CSMD1: variants seen among roughly 807,000 people sequenced by gnomAD.
CSMD1 encodes CUB and sushi domain-containing protein 1.
In CSMD1, 213 loss-of-function variants were observed where a neutral mutation model predicts 417.5. The ratio of observed to expected loss-of-function variants is 0.51; its 90% confidence interval spans 0.46 to 0.57. CSMD1 has a LOEUF of 0.57. CSMD1 is among the 20% of genes least tolerant of loss of function. The pLI is 0.00. For synonymous variants in CSMD1, 2,862 were observed against 1,736.8 expected (o/e 1.65, Z -16.11); for missense variants, 6,923 against 4,529.7 (o/e 1.53, Z -15.17).
At chr8:4,318,264 T>G (rs1451367773) in intron 3 of CSMD1, among the ~76,000 whole-genome samples, 1 of 152,116 alleles carries the variant, frequency 6.6e-6, no homozygotes, top group Non-Finnish European at 1.5e-5. Context: ...TTGGTAACAT[T>G]TTTCCTTAAT....
intron 3 of CSMD1, among the ~76,000 whole-genome samples, chr8:4,071,949 G>A (rs1378294349): frequency 1.3e-5 from 2 of 152,164 alleles, no homozygotes; most frequent in Non-Finnish European, 2.9e-5. Context: ...CAGCCACAGT[G>A]TGGGGCTCTC....
At chr8:3,922,991 C>G (rs1809381796) in intron 5 of CSMD1, among the ~76,000 whole-genome samples, 1 of 152,162 alleles carries the variant, frequency 6.6e-6, no homozygotes, top group Non-Finnish European at 1.5e-5. Flanking sequence ...AGAGAAATCT[C>G]TATTTCCATC....
At chr8:4,521,067 A>G (rs1803418921) in intron 2 of CSMD1, among the ~76,000 whole-genome samples, 1 of 152,212 alleles carries the variant, frequency 6.6e-6, no homozygotes, top group African/African-American at 2.4e-5. Flanking sequence ...TATGAAAGAT[A>G]TTAAAGAGTT....
chr8:4,486,358 G>C (rs1422729738), intron 2 of CSMD1, among the ~76,000 whole-genome samples: 1 of 149,742 alleles, frequency 6.7e-6, no homozygotes, highest in South Asian at 2.1e-4. Flanking sequence ...CTACCAGGTT[G>C]CATCTTAAAC....
chr8:2,955,730 C>T lies in CSMD1; in HGVS notation c.9853G>A (p.Asp3285Asn). 1.2e-6 allele frequency: 2 copies of T among 1,613,876 alleles called. No homozygotes were observed. The highest frequency in any genetic ancestry group is 8.5e-7 in the Non-Finnish European group (1 of 1,179,780). Residue 3285 changes from aspartate (D) to asparagine (N), a missense_variant, in exon 64 of 70, where the codon GAT becomes AAT. Transcript: ENST00000635120. ...GTAGGAAGATCGATGGCTCTCACATCCGCGTGTGCCGGGGTTTCTGGCTGT... is the reference window on the plus strand; with the variant it reads ...GTAGGAAGATCGATGGCTCTCACATTCGCGTGTGCCGGGGTTTCTGGCTGT... ...CRQPETPAHA[D>N]VRAIDLPTFG...
chr8:3,118,327 T>G (rs1233103869), intron 42 of CSMD1, 72 bp downstream of exon 42: 1 of 1,064,316 alleles, frequency 9.4e-7, no homozygotes, highest in Non-Finnish European at 1.4e-6. Flanking sequence ...ACTGGATATG[T>G]TCATTTAATA....
intron 3 of CSMD1, among the ~76,000 whole-genome samples, chr8:4,144,214 T>A (rs1204888364): frequency 6.6e-6 from 1 of 150,984 alleles, no homozygotes; most frequent in Non-Finnish European, 1.5e-5. Context: ...ATCTTGGGCT[T>A]CTTCCTTGAT....
chr8:3,865,707 TACA>T (rs1400206307), intron 5 of CSMD1, among the ~76,000 whole-genome samples: 6 of 152,266 alleles, frequency 3.9e-5, no homozygotes, highest in Non-Finnish European at 7.4e-5. Context: ...GAGCAGTAAA[TACA>T]ACAACAAAAT....
chr8:4,573,114 T>G (rs185848750), intron 2 of CSMD1, among the ~76,000 whole-genome samples: 6 of 152,314 alleles, frequency 3.9e-5, no homozygotes, highest in African/African-American at 1.4e-4. Context: ...TGAAGCCTAC[T>G]TCTGTCAATT....
intron 3 of CSMD1, among the ~76,000 whole-genome samples, chr8:4,226,991 A>T (rs1213672058): frequency 6.6e-6 from 1 of 152,210 alleles, no homozygotes; most frequent in African/African-American, 2.4e-5. Context: ...TCTGAAAACT[A>T]AAGGGGGTAA....
intron 5 of CSMD1, among the ~76,000 whole-genome samples, chr8:3,908,055 G>A (rs1345072184): frequency 1.3e-5 from 2 of 152,076 alleles, no homozygotes; most frequent in South Asian, 2.1e-4. Flanking sequence ...CCCAAAGTCT[G>A]ACTCTCAAAT....
chr8:3,862,668 G>T (rs1316097967), intron 5 of CSMD1, among the ~76,000 whole-genome samples: 2 of 152,062 alleles, frequency 1.3e-5, no homozygotes, highest in Non-Finnish European at 2.9e-5. Context: ...TTGGTTATTT[G>T]CATTCAACGT....
intron 23 of CSMD1, among the ~76,000 whole-genome samples, chr8:3,309,490 G>A (rs79303971): frequency 0.084 from 12,724 of 151,922 alleles, 683 homozygotes; most frequent in Non-Finnish European, 0.12. Context: ...TGACAGAAAT[G>A]AAGATTTAGC....
intron 21 of CSMD1, among the ~76,000 whole-genome samples, chr8:3,350,095 C>G (rs1182178683): frequency 7.9e-6 from 1 of 126,262 alleles, no homozygotes; most frequent in Non-Finnish European, 1.6e-5. Flanking sequence ...CTATAATAAC[C>G]TATAATAACT....
In CSMD1 at chr8:3,343,393, G is replaced by A. The variant is rs368801238; in HGVS notation, c.3532C>T (p.Leu1178Phe). 3 of 1,613,828 alleles carry A rather than the reference G, an allele frequency of 1.9e-6. No individual in the cohort carries two copies. Among genetic ancestry groups the A allele is most frequent in the Non-Finnish European group, 1.7e-6 (2 of 1,179,774 alleles). Residue 1178 changes from leucine (L) to phenylalanine (F), a missense_variant, in exon 23 of 70, where the codon CTT (leucine) becomes TTT (phenylalanine). Coordinates refer to ENST00000635120, the MANE Select transcript of CSMD1 (RefSeq NM_033225.6). ...GTGCTGTTTAGGATCAGCCCCAGAA[G>A]TTCATTTTTAGTGAACGTGCCCAGT... ...RPLGTFTKNE[L>F]LGLILNSTSN... is the part of the protein sequence containing the mutation.
At chr8:3,436,196 A>G (rs970607707) in intron 12 of CSMD1, among the ~76,000 whole-genome samples, 2 of 152,210 alleles carry the variant, frequency 1.3e-5, no homozygotes, top group African/African-American at 2.4e-5. Context: ...TACCATCATT[A>G]TAAGATGCTT....
At chr8:3,273,371 A>T (rs1356046190) in intron 26 of CSMD1, among the ~76,000 whole-genome samples, 1 of 152,092 alleles carries the variant, frequency 6.6e-6, no homozygotes, top group Non-Finnish European at 1.5e-5. Context: ...AATGTTCATC[A>T]AGGATATTGG....
intron 1 of CSMD1, among the ~76,000 whole-genome samples, chr8:4,899,693 G>A (rs1312679652): frequency 6.6e-6 from 1 of 152,134 alleles, no homozygotes; most frequent in Non-Finnish European, 1.5e-5. Context: ...ATTAAAATGT[G>A]TATAGTTAAA....
intron 3 of CSMD1, among the ~76,000 whole-genome samples, chr8:4,384,510 T>G (rs558346787): frequency 2.0e-5 from 3 of 152,364 alleles, no homozygotes; most frequent in Admixed American, 1.3e-4. Flanking sequence ...TAGTTGATAC[T>G]GTGACAAATA....
Sources: gnomAD v4.1 joint callset for allele counts (sites outside exome capture counted in the v4.1 genomes callset) on GRCh38, gnomAD v4.1.1 for gene constraint, MANE v1.5 for transcripts, NCBI Gene and HGNC (gene_info 2026-07-23, HGNC 2026-07-21) for gene names.